The following BTRC variants were observed in gnomAD, a reference collection of about 807,000 sequenced individuals.
BTRC encodes F-box/WD repeat-containing protein 1A.
BTRC carries 42 observed loss-of-function variants against 85.5 expected under a neutral mutation model. The ratio of observed to expected loss-of-function variants is 0.49; its 90% CI spans 0.38 to 0.64. The LOEUF (loss-of-function observed/expected upper bound fraction) is 0.64, where lower values mean the gene tolerates loss of function less well. Ranked by LOEUF, BTRC falls within the 30% of genes least tolerant of loss-of-function variation. BTRC has a pLI of 0.00. For synonymous variants in BTRC, 255 were observed against 263.3 expected, an observed-to-expected ratio of 0.97 and a Z score of 0.30; for missense variants, 594 against 743.5, an observed-to-expected ratio of 0.80 and a Z score of 2.34.
At chr10:101,459,367 C>G (rs1208343851) in intron 2 of BTRC, among the ~76,000 whole-genome samples, 1 of 152,136 alleles carries the variant, frequency 6.6e-6, no homozygotes, top group African/African-American at 2.4e-5. Context: ...GACTGTAGAC[C>G]TAGTAATCTC....
At chr10:101,439,968 T>C (rs1333682608) in intron 2 of BTRC, among the ~76,000 whole-genome samples, 1 of 152,252 alleles carries the variant, frequency 6.6e-6, no homozygotes, top group African/African-American at 2.4e-5. Flanking sequence ...TTTATTGCTC[T>C]TATTATCCAG....
chr10:101,440,128 A>C (rs1191518603), intron 2 of BTRC, among the ~76,000 whole-genome samples: 2 of 152,246 alleles, frequency 1.3e-5, no homozygotes, highest in South Asian at 2.1e-4. Context: ...GCTTATGCCA[A>C]ATGAATAGAA....
chr10:101,505,512 C>G (rs1393199619), intron 4 of BTRC, among the ~76,000 whole-genome samples: 1 of 151,384 alleles, frequency 6.6e-6, no homozygotes, highest in African/African-American at 2.4e-5. Context: ...CCCAGCTGCT[C>G]AGGAAGCTGA....
At chr10:101,384,255 C>T (rs1408190926) in intron 1 of BTRC, among the ~76,000 whole-genome samples, 3 of 152,320 alleles carry the variant, frequency 2.0e-5, no homozygotes, top group African/African-American at 7.2e-5. Context: ...CATCAGCCCT[C>T]CTTCTTTGAG....
At chr10:101,411,831 A>C (rs1465250337) in intron 1 of BTRC, among the ~76,000 whole-genome samples, 1 of 151,910 alleles carries the variant, frequency 6.6e-6, no homozygotes, top group Non-Finnish European at 1.5e-5. Flanking sequence ...TACATTTTTG[A>C]ATATTTGTAT....
rs1057114770 is a variant in BTRC, at chr10:101,474,673, T to C, written c.235-4695T>C. Among the ~76,000 whole-genome samples, 5 of 152,248 alleles carry C rather than the reference T, an allele frequency of 3.3e-5. No homozygotes were observed. The East Asian group carries it at 7.7e-4, about 23-fold the overall frequency. ...CCACTATGGCAGTTTTGAACTCTTATCACTTGATATCTCAAGCCAATAGAC... is the reference window on the plus strand; with the variant it reads ...CCACTATGGCAGTTTTGAACTCTTACCACTTGATATCTCAAGCCAATAGAC... On this transcript the variant is annotated intron_variant, in intron 3 of 14. Coordinates refer to ENST00000370187, the MANE Select transcript of BTRC (RefSeq NM_033637.4).
intron 1 of BTRC, among the ~76,000 whole-genome samples, chr10:101,393,795 C>T (rs377313533): frequency 7.2e-5 from 11 of 152,298 alleles, no homozygotes; most frequent in African/African-American, 2.6e-4. Flanking sequence ...TGTGCACACC[C>T]TGCTTTGGAA....
At chr10:101,536,781 C>T in intron 12 of BTRC, 128 bp downstream of exon 12, 1 of 637,854 alleles carries the variant, frequency 1.6e-6, no homozygotes, top group East Asian at 2.8e-5. Flanking sequence ...TATCTGATAC[C>T]ATATTTCTTT....
At chr10:101,427,530 T>TCTTTCTTCTCTTACTTTCTTC (rs1944292030) in intron 1 of BTRC, among the ~76,000 whole-genome samples, 1 of 149,156 alleles carries the variant, frequency 6.7e-6, no homozygotes, top group African/African-American at 2.5e-5. Context: ...TTACTTTCTT[T>TCTTTCTTCTCTTACTTTCTTC]TCTTTCTTCT....
chr10:101,424,412 G>A (rs181900311), intron 1 of BTRC, among the ~76,000 whole-genome samples: 1 of 152,172 alleles, frequency 6.6e-6, no homozygotes, highest in African/African-American at 2.4e-5. Flanking sequence ...ACATGATTAT[G>A]GTATACTGCA....
At chr10:101,467,460 G>C (rs986741364) in intron 3 of BTRC, among the ~76,000 whole-genome samples, 3 of 151,720 alleles carry the variant, frequency 2.0e-5, no homozygotes, top group African/African-American at 7.3e-5. Flanking sequence ...CCTATCTGCC[G>C]TTGCTTTGTG....
intron 1 of BTRC, among the ~76,000 whole-genome samples, chr10:101,382,810 A>T (rs961576562): frequency 6.6e-6 from 1 of 151,998 alleles, no homozygotes; most frequent in African/African-American, 2.4e-5. Flanking sequence ...TTCTTTCTCA[A>T]TTTTGAAATG....
chr10:101,528,655 G>C (rs746699506), intron 6 of BTRC, among the ~76,000 whole-genome samples: 2 of 152,008 alleles, frequency 1.3e-5, no homozygotes, highest in African/African-American at 4.8e-5. Context: ...TGCTGCTTCT[G>C]TTTTTACATG....
At chr10:101,422,211 C>T (rs1190977886) in intron 1 of BTRC, among the ~76,000 whole-genome samples, 1 of 152,186 alleles carries the variant, frequency 6.6e-6, no homozygotes, top group Non-Finnish European at 1.5e-5. Flanking sequence ...TTGCATTTCT[C>T]TGATGGCCAG....
chr10:101,491,558 G>T (rs1469071505), intron 4 of BTRC, among the ~76,000 whole-genome samples: 1 of 152,098 alleles, frequency 6.6e-6, no homozygotes, highest in South Asian at 2.1e-4. Flanking sequence ...TTAGCTGGGT[G>T]TGGTGGCAGG....
rs71472576 is a variant in BTRC, at chr10:101,502,392, G to GA, written c.325-19236dup. On this transcript the variant is annotated intron_variant, in intron 4 of 14. Transcript: ENST00000370187. ...GCAATAGCTCTGAAAGATTGAAAAT[G>GA]AAAAAAAAAAATCAATGGCAAATGT... Among the ~76,000 whole-genome samples the GA allele has an allele frequency of 7.8e-3, 1,136 of 145,884 alleles. 9 individuals are homozygous for GA. Among genetic ancestry groups the GA allele is most frequent in the African/African-American group, 0.018 (730 of 40,034 alleles).
chr10:101,369,172 A>C (rs1201959315), intron 1 of BTRC, among the ~76,000 whole-genome samples: 1 of 151,878 alleles, frequency 6.6e-6, no homozygotes, highest in Non-Finnish European at 1.5e-5. Context: ...CTTTTGTTGA[A>C]GTGTTTATTC....
At chr10:101,477,154 T>A (rs1945711655) in intron 3 of BTRC, among the ~76,000 whole-genome samples, 1 of 152,046 alleles carries the variant, frequency 6.6e-6, no homozygotes, top group Admixed American at 6.6e-5. Context: ...ATTTTTTTAT[T>A]TTTTTATTTT....
At chr10:101,529,693 A>G (rs951529050) in intron 6 of BTRC, among the ~76,000 whole-genome samples, 1 of 152,106 alleles carries the variant, frequency 6.6e-6, no homozygotes, top group Non-Finnish European at 1.5e-5. Flanking sequence ...TCTTTTCTGT[A>G]TTAACACAGA....
Sources: allele counts gnomAD v4.1 joint callset (sites outside exome capture counted in the v4.1 genomes callset), GRCh38; gene constraint gnomAD v4.1.1; transcripts MANE v1.5; gene names NCBI Gene and HGNC (gene_info 2026-07-23, HGNC 2026-07-21).